The following AGBL1 variants were observed in gnomAD, a reference collection of about 807,000 sequenced individuals.
The protein encoded by AGBL1 is cytosolic carboxypeptidase 4.
In AGBL1, 130 loss-of-function variants were observed where a neutral mutation model predicts 118.9. That is an observed-to-expected ratio of 1.09 (90% CI 0.95 to 1.26). The LOEUF (loss-of-function observed/expected upper bound fraction) is 1.26. Among genes scored for constraint, AGBL1 ranks in the 50% most tolerant of loss-of-function variants. AGBL1 has a pLI of 0.00. For synonymous variants in AGBL1, 555 were observed against 478.9 expected, an observed-to-expected ratio of 1.16 and a Z score of -2.08; for missense variants, 1,584 against 1,298.1, an observed-to-expected ratio of 1.22 and a Z score of -3.38.
intron 24 of AGBL1, among the ~76,000 whole-genome samples, chr15:87,013,057 CTTGT>C (rs2081576857): frequency 1.3e-5 from 2 of 152,160 alleles, no homozygotes; most frequent in Admixed American, 6.5e-5. Context: ...TAAGTATTTT[CTTGT>C]AGCCTGAATT....
At chr15:86,495,210 G>C (rs1439389279) in intron 18 of AGBL1, among the ~76,000 whole-genome samples, 1 of 150,318 alleles carries the variant, frequency 6.7e-6, no homozygotes, top group East Asian at 2.0e-4. Flanking sequence ...GCTTGTGTAT[G>C]GCTAATTTAC....
chr15:86,968,401 C>T (rs1005244748), intron 23 of AGBL1, among the ~76,000 whole-genome samples: 3 of 151,904 alleles, frequency 2.0e-5, no homozygotes, highest in Non-Finnish European at 4.4e-5. Context: ...TGGCTTCAAA[C>T]ATTAAGCTTT....
intron 1 of AGBL1, among the ~76,000 whole-genome samples, chr15:86,128,633 C>A (rs573028466): frequency 3.3e-5 from 5 of 152,142 alleles, no homozygotes; most frequent in Non-Finnish European, 5.9e-5. Flanking sequence ...ACAGTGTTTG[C>A]GCGTTATTTT....
At chr15:86,946,924 T>C (rs998107526) in intron 23 of AGBL1, among the ~76,000 whole-genome samples, 9 of 151,812 alleles carry the variant, frequency 5.9e-5, no homozygotes, top group Non-Finnish European at 8.8e-5. Context: ...GGGAATTGAT[T>C]CATCCCTTCG....
chr15:86,471,498 G>GTT (rs375141045), intron 18 of AGBL1, among the ~76,000 whole-genome samples: 18 of 142,506 alleles, frequency 1.3e-4, no homozygotes, highest in Admixed American at 3.5e-4. Flanking sequence ...TTGGCCTATA[G>GTT]TTTTTTTTTT....
intron 17 of AGBL1, among the ~76,000 whole-genome samples, chr15:86,392,653 C>G (rs185652063): frequency 2.0e-5 from 3 of 152,148 alleles, no homozygotes; most frequent in Admixed American, 1.3e-4. Context: ...TTTTACTCAA[C>G]TTTTCATTGG....
At chr15:86,776,174 G>A (rs185061192) in intron 22 of AGBL1, among the ~76,000 whole-genome samples, 1 of 152,116 alleles carries the variant, frequency 6.6e-6, no homozygotes, top group Non-Finnish European at 1.5e-5. Context: ...TCTAATGGCT[G>A]TATATGCTCA....
chr15:86,501,272 G>T (rs1321612977), intron 18 of AGBL1, among the ~76,000 whole-genome samples: 2 of 151,518 alleles, frequency 1.3e-5, no homozygotes, highest in Admixed American at 6.6e-5. Flanking sequence ...TGAACATCTT[G>T]TAATGAGCTT....
At chr15:86,220,894 C>A (rs1219740778) in intron 5 of AGBL1, among the ~76,000 whole-genome samples, 3 of 152,048 alleles carry the variant, frequency 2.0e-5, no homozygotes, top group Non-Finnish European at 2.9e-5. Flanking sequence ...CAGTGCCCTC[C>A]CAAGAAGTCC....
chr15:86,513,310 T>C (rs1372961630), intron 18 of AGBL1, among the ~76,000 whole-genome samples: 1 of 151,992 alleles, frequency 6.6e-6, no homozygotes, highest in African/African-American at 2.4e-5. Context: ...ATCCCTTGAA[T>C]TGGGTTTGTC....
At chr15:86,887,738 T>C (rs1440598429) in intron 22 of AGBL1, among the ~76,000 whole-genome samples, 4 of 152,078 alleles carry the variant, frequency 2.6e-5, no homozygotes, top group Non-Finnish European at 5.9e-5. Flanking sequence ...GATCATACAA[T>C]TAGGAATATG....
At chr15:86,129,455 G>A (rs1437913845) in intron 1 of AGBL1, among the ~76,000 whole-genome samples, 1 of 152,216 alleles carries the variant, frequency 6.6e-6, no homozygotes, top group Admixed American at 6.5e-5. Flanking sequence ...AATGATCCCT[G>A]AAACAGGGAG....
intron 22 of AGBL1, among the ~76,000 whole-genome samples, chr15:86,777,844 T>G (rs942337745): frequency 3.9e-5 from 6 of 152,178 alleles, no homozygotes; most frequent in African/African-American, 1.4e-4. Context: ...TAGTAAGTCT[T>G]GATTACAGAG....
chr15:86,413,283 C>T (rs1380880253), intron 18 of AGBL1, among the ~76,000 whole-genome samples: 1 of 152,174 alleles, frequency 6.6e-6, no homozygotes, highest in East Asian at 1.9e-4. Flanking sequence ...ACTGAATCTC[C>T]ATTACATGCA....
chr15:86,605,775 G>T (rs1211486327), intron 21 of AGBL1, among the ~76,000 whole-genome samples: 7 of 152,036 alleles, frequency 4.6e-5, no homozygotes, highest in Admixed American at 4.6e-4. Flanking sequence ...GTGTATGTGT[G>T]TGTGCATGTG....
At chr15:86,847,137 C>T (rs1425232971) in intron 22 of AGBL1, among the ~76,000 whole-genome samples, 1 of 152,032 alleles carries the variant, frequency 6.6e-6, no homozygotes, top group East Asian at 1.9e-4. Flanking sequence ...ATTTCTATTG[C>T]TTCATTGAAA....
intron 22 of AGBL1, among the ~76,000 whole-genome samples, chr15:86,896,954 A>G (rs530004136): frequency 6.6e-6 from 1 of 152,164 alleles, no homozygotes; most frequent in Admixed American, 6.5e-5. Context: ...CACTACATGC[A>G]CATTCCTAAG....
chr15:86,433,266 C>CTTTTTTTTTTTTTTTTT lies in AGBL1; in HGVS notation c.2555+35731_2555+35747dup, dbSNP rs59417397. 2.5e-3 allele frequency among the ~76,000 whole-genome samples: 185 copies of CTTTTTTTTTTTTTTTTT among 74,880 alleles called. 42 individuals are homozygous for CTTTTTTTTTTTTTTTTT. The highest frequency in any genetic ancestry group is 5.2e-3 in the African/African-American group (99 of 18,992). The allele number at this position is 74,880 out of a possible 152,430, so 49.1% of individuals were successfully genotyped here. ...TCTCCTCCTCCTCCTCCTCCTTCTT[C>CTTTTTTTTTTTTTTTTT]TTTTTTTTTTTTTTTTTTTTTTTTT... On this transcript the variant is annotated intron_variant, in intron 18 of 22. Transcript: ENST00000614907.
At chr15:86,106,150 T>A (rs1168363399) in intron 1 of AGBL1, among the ~76,000 whole-genome samples, 2 of 152,258 alleles carry the variant, frequency 1.3e-5, no homozygotes, top group Non-Finnish European at 2.9e-5. Flanking sequence ...CCTAGTATGC[T>A]GTTGTATTTG....
Sources: allele counts gnomAD v4.1 joint callset (sites outside exome capture counted in the v4.1 genomes callset), GRCh38; gene constraint gnomAD v4.1.1; transcripts MANE v1.5; gene names NCBI Gene and HGNC (gene_info 2026-07-23, HGNC 2026-07-21).